Variants in TRMT2B observed in about 807,000 individuals in gnomAD.
The protein encoded by TRMT2B is tRNA methyltransferase 2B, also known as tRNA (uracil-5-)-methyltransferase homolog B.
TRMT2B carries 34 observed loss-of-function variants against 39.7 expected under a neutral mutation model. That is an observed-to-expected ratio of 0.86 (90% CI 0.65 to 1.14). The LOEUF (loss-of-function observed/expected upper bound fraction) is 1.14. Ranked by LOEUF, TRMT2B falls within the 50% of genes most tolerant of loss-of-function variation. The pLI is 0.00. For missense variants in TRMT2B, 318 were observed against 377.2 expected, an observed-to-expected ratio of 0.84 and a Z score of 1.30; for synonymous variants, 132 against 137.3, an observed-to-expected ratio of 0.96 and a Z score of 0.27.
chrX:101,031,749 G>T, intron 7 of TRMT2B, among the ~76,000 whole-genome samples: 1 of 108,651 alleles, frequency 9.2e-6, no homozygotes, highest in Non-Finnish European at 1.9e-5. Context: ...ATAAGTTAAT[G>T]TTACATTACT....
At chrX:101,026,082 AAAG>A (rs1237408677) in intron 7 of TRMT2B, among the ~76,000 whole-genome samples, 3 of 110,376 alleles carry the variant, frequency 2.7e-5, no homozygotes, top group Non-Finnish European at 3.8e-5. Flanking sequence ...GGAAGGAAAG[AAAG>A]AAAAAAAGAG....
At chrX:101,005,395 C>CA (rs751748161), downstream of TRMT2B, among the ~76,000 whole-genome samples, 6 of 108,240 alleles carry the variant, frequency 5.5e-5, no homozygotes, top group East Asian at 5.9e-4. Context: ...GACCATCTCC[C>CA]AAAAAAAAGA....
At chrX:100,989,467 G>A in the TRMT2B span, among the ~76,000 whole-genome samples, 3 of 109,892 alleles carry the variant, frequency 2.7e-5, no homozygotes, top group African/African-American at 6.6e-5. Flanking sequence ...AAAATTAGTC[G>A]GGCATGGTGG....
the TRMT2B span, among the ~76,000 whole-genome samples, chrX:101,003,938 C>T: frequency 3.6e-5 from 4 of 111,184 alleles, no homozygotes; most frequent in Non-Finnish European, 7.5e-5. Flanking sequence ...TGAAGCAATC[C>T]TCCCACCTCA....
the TRMT2B span, among the ~76,000 whole-genome samples, chrX:101,000,272 C>G: frequency 2.0e-4 from 22 of 109,730 alleles, no homozygotes; most frequent in South Asian, 8.0e-4. Flanking sequence ...AGGCGCCCAC[C>G]ACCGTGCCCA....
intron 2 of TRMT2B, among the ~76,000 whole-genome samples, chrX:101,049,215 G>A (rs755079145): frequency 6.2e-4 from 69 of 110,918 alleles, no homozygotes; most frequent in Admixed American, 5.7e-3. Context: ...TGTGGCAGCC[G>A]GGTGCAGTGG....
intron 13 of TRMT2B, among the ~76,000 whole-genome samples, chrX:101,016,538 G>A (rs994120851): frequency 9.2e-6 from 1 of 108,356 alleles, no homozygotes; most frequent in Non-Finnish European, 1.9e-5. Context: ...GTACAGTGGC[G>A]TGATTTCAGT....
At chrX:101,043,804 T>C (rs2088411189) in intron 2 of TRMT2B, 2 of 111,997 alleles carry the variant, frequency 1.8e-5, no homozygotes, top group African/African-American at 6.5e-5. Context: ...CCTTAAGGAA[T>C]AGAGGCAACA....
At chrX:101,030,088 C>T (rs1427549623) in intron 7 of TRMT2B, among the ~76,000 whole-genome samples, 1 of 110,629 alleles carries the variant, frequency 9.0e-6, no homozygotes, top group African/African-American at 3.3e-5. Flanking sequence ...GGTGAAACCC[C>T]GTCCCTACTA....
the TRMT2B span, among the ~76,000 whole-genome samples, chrX:100,983,388 G>A: frequency 5.7e-3 from 625 of 109,753 alleles, 3 homozygotes; most frequent in Non-Finnish European, 8.9e-3. Flanking sequence ...CAGACGTCTC[G>A]CTCTGTCACC....
In TRMT2B at chrX:101,041,357, A is replaced by C. The variant is rs753508844; in HGVS notation, c.263T>G (p.Val88Gly). ...ATAGCTCAACCTCCAGAGTGGTGTC[A>C]CAACATCAGCCAGCCTTGAATAAAA... is the stretch of plus-strand genomic sequence containing the variant. Reference protein sequence around the residue: ...GSWQERLADVVTPLWRLSYEE... With the variant: ...GSWQERLADVGTPLWRLSYEE... The change falls in exon 4 of 14, where the codon GTG becomes GGG. Residue 88 changes from valine to glycine, a missense_variant. Physicochemically the swap from Val to Gly is moderately radical, Grantham distance 109 (BLOSUM62 -3). Transcript: ENST00000372936. 1.2e-5 allele frequency: 15 copies of C among 1,209,369 alleles called. No individual in the cohort carries two copies. In the South Asian group the frequency reaches 2.7e-4, roughly 21 times the overall value.
chrX:100,987,683 G>T, the TRMT2B span: 1 of 723,477 alleles, frequency 1.4e-6, no homozygotes. Flanking sequence ...TGATATCATT[G>T]GCTCAAATGG....
intron 13 of TRMT2B, among the ~76,000 whole-genome samples, chrX:101,012,422 C>A (rs1274137518): frequency 9.3e-6 from 1 of 107,547 alleles, no homozygotes; most frequent in Non-Finnish European, 1.9e-5. Flanking sequence ...GCTGCCCCCA[C>A]TAACTCATCA....
intron 2 of TRMT2B, among the ~76,000 whole-genome samples, chrX:101,047,724 G>A (rs765742427): frequency 9.0e-6 from 1 of 110,734 alleles, no homozygotes; most frequent in South Asian, 3.8e-4. Flanking sequence ...CCCACTACTC[G>A]GGAGGCTGAG....
chrX:101,026,856 C>A (rs1310945212), intron 7 of TRMT2B, among the ~76,000 whole-genome samples: 1 of 111,780 alleles, frequency 8.9e-6, no homozygotes, highest in Non-Finnish European at 1.9e-5. Flanking sequence ...TGCCTTCGCT[C>A]AGTACTGGAT....
chrX:100,973,638 A>G, the TRMT2B span: 16 of 1,156,698 alleles, frequency 1.4e-5, no homozygotes, highest in Middle Eastern at 3.0e-4. Flanking sequence ...TTATAACAGG[A>G]CTTACTTCTT....
the TRMT2B span, among the ~76,000 whole-genome samples, chrX:100,991,621 G>A: frequency 9.0e-6 from 1 of 111,617 alleles, no homozygotes; most frequent in Non-Finnish European, 1.9e-5. Flanking sequence ...TGATCCGCCC[G>A]CCTCGGCCTC....
At chrX:100,992,792 T>C in the TRMT2B span, among the ~76,000 whole-genome samples, 1 of 111,255 alleles carries the variant, frequency 9.0e-6, no homozygotes, top group Non-Finnish European at 1.9e-5. Flanking sequence ...CAGAAAATGA[T>C]GTTCAGAGAG....
At chrX:101,049,940 G>T (rs1342982794) in intron 2 of TRMT2B, among the ~76,000 whole-genome samples, 1 of 112,147 alleles carries the variant, frequency 8.9e-6, no homozygotes, top group Non-Finnish European at 1.9e-5. Context: ...CAGACTACAG[G>T]GGAAGGGAGT....
Sources: allele counts gnomAD v4.1 joint callset (sites outside exome capture counted in the v4.1 genomes callset), GRCh38; gene constraint gnomAD v4.1.1; transcripts MANE v1.5; gene names NCBI Gene and HGNC (gene_info 2026-07-23, HGNC 2026-07-21).